The following NCOA7 variants were observed in gnomAD, a reference collection of about 807,000 sequenced individuals.
NCOA7 encodes nuclear receptor coactivator 7.
In NCOA7, 45 loss-of-function variants were observed where a neutral mutation model predicts 104.3. The ratio of observed to expected loss-of-function variants is 0.43; its 90% CI spans 0.34 to 0.55. The LOEUF (loss-of-function observed/expected upper bound fraction) is 0.55, where lower values mean the gene tolerates loss of function less well. Among genes scored for constraint, NCOA7 ranks in the 20% least tolerant of loss-of-function variants. The pLI, the probability that NCOA7 is intolerant of heterozygous loss-of-function variation, is 0.02. For synonymous variants in NCOA7, 398 were observed against 402.3 expected (o/e 0.99, Z 0.13); for missense variants, 1,041 against 1,119.7 (o/e 0.93, Z 1.00).
upstream of NCOA7, among the ~76,000 whole-genome samples, chr6:125,788,606 G>A (rs181610818): frequency 2.1e-3 from 313 of 149,260 alleles, 2 homozygotes; most frequent in South Asian, 3.6e-3. Flanking sequence ...TGCAATCTCC[G>A]CTCGCTGCAA....
chr6:125,868,668 T>G (rs1782629673), intron 3 of NCOA7, among the ~76,000 whole-genome samples: 2 of 152,268 alleles, frequency 1.3e-5, no homozygotes, highest in South Asian at 4.1e-4. Flanking sequence ...TGAATGGATC[T>G]GTTTCCATTA....
At chr6:125,799,404 A>C (rs1017129902) in intron 1 of NCOA7, among the ~76,000 whole-genome samples, 1 of 151,924 alleles carries the variant, frequency 6.6e-6, no homozygotes, top group African/African-American at 2.4e-5. Flanking sequence ...TTGTGCCACA[A>C]ATGAACTAAA....
intron 2 of NCOA7, among the ~76,000 whole-genome samples, chr6:125,841,914 G>T (rs1780209431): frequency 6.6e-6 from 1 of 152,154 alleles, no homozygotes; most frequent in Non-Finnish European, 1.5e-5. Flanking sequence ...CTTTCTGAAA[G>T]TACCTGTAAT....
chr6:125,816,027 C>A (rs1029544995), intron 2 of NCOA7, among the ~76,000 whole-genome samples: 2 of 152,178 alleles, frequency 1.3e-5, no homozygotes, highest in African/African-American at 2.4e-5. Context: ...ATTTGTAAAA[C>A]ATTTTGATAA....
At chr6:125,846,352 G>GA (rs202066680) in intron 2 of NCOA7, among the ~76,000 whole-genome samples, 2 of 88,916 alleles carry the variant, frequency 2.2e-5, no homozygotes, top group African/African-American at 3.7e-5. Flanking sequence ...ATATAAAAAA[G>GA]AAAAAAAAAT....
At chr6:125,796,914 C>G (rs1313080994) in intron 1 of NCOA7, 1 of 152,244 alleles carries the variant, frequency 6.6e-6, no homozygotes, top group Non-Finnish European at 1.5e-5. Context: ...TTGGTTGATT[C>G]CATGGATGCA....
chr6:125,814,612 G>A (rs980797772), intron 1 of NCOA7, among the ~76,000 whole-genome samples: 1 of 152,200 alleles, frequency 6.6e-6, no homozygotes, highest in Non-Finnish European at 1.5e-5. Flanking sequence ...CATGATAAAA[G>A]TGGTATTTGA....
chr6:125,858,997 T>C (rs948086475), intron 3 of NCOA7, among the ~76,000 whole-genome samples: 22 of 152,196 alleles, frequency 1.4e-4, no homozygotes, highest in African/African-American at 5.1e-4. Context: ...GAGGATCTCA[T>C]TGGCTTGCTA....
At chr6:125,893,870 A>G (rs975367797) in intron 10 of NCOA7, among the ~76,000 whole-genome samples, 1 of 152,204 alleles carries the variant, frequency 6.6e-6, no homozygotes, top group Admixed American at 6.5e-5. Context: ...GACTTGAAAC[A>G]TACTCAGGTT....
chr6:125,840,663 G>A (rs1780037735), intron 2 of NCOA7, among the ~76,000 whole-genome samples: 1 of 151,090 alleles, frequency 6.6e-6, no homozygotes, highest in Admixed American at 6.6e-5. Context: ...TACTCAGGAT[G>A]CCACCATGCC....
intron 1 of NCOA7, among the ~76,000 whole-genome samples, chr6:125,782,592 A>C (rs573934310): frequency 1.3e-5 from 2 of 152,326 alleles, no homozygotes; most frequent in South Asian, 4.1e-4. Flanking sequence ...CAGTTTCCCC[A>C]GCCTTTTTTC....
intron 1 of NCOA7, among the ~76,000 whole-genome samples, chr6:125,798,458 G>A (rs1775548252): frequency 1.3e-5 from 2 of 152,268 alleles, no homozygotes; most frequent in South Asian, 2.1e-4. Context: ...CACAGAGTAA[G>A]CAACTATCTA....
At chr6:125,879,766 G>A (rs1399974544) in intron 5 of NCOA7, among the ~76,000 whole-genome samples, 1 of 152,172 alleles carries the variant, frequency 6.6e-6, no homozygotes, top group East Asian at 1.9e-4. Flanking sequence ...GGAGGCCAAG[G>A]TAGGCAGATC....
chr6:125,854,278 G>T (rs1781370063), intron 2 of NCOA7, among the ~76,000 whole-genome samples: 1 of 152,182 alleles, frequency 6.6e-6, no homozygotes, highest in Non-Finnish European at 1.5e-5. Flanking sequence ...ATTACAGAGT[G>T]ATGTGTCCAC....
chr6:125,899,867 C>T (rs1234240850), intron 10 of NCOA7: 9 of 431,528 alleles, frequency 2.1e-5, no homozygotes, highest in Middle Eastern at 7.0e-4. Flanking sequence ...CAGACGTAAG[C>T]TCATGAAAAA....
intron 2 of NCOA7, among the ~76,000 whole-genome samples, chr6:125,822,831 A>G (rs1778307837): frequency 6.6e-6 from 1 of 151,890 alleles, no homozygotes; most frequent in Admixed American, 6.6e-5. Flanking sequence ...GCTACATGGG[A>G]GACTGAAGCA....
chr6:125,848,616 C>T (rs1780838142), intron 2 of NCOA7, among the ~76,000 whole-genome samples: 1 of 151,998 alleles, frequency 6.6e-6, no homozygotes, highest in Non-Finnish European at 1.5e-5. Context: ...CACTTGGATA[C>T]AGGGTAGGGA....
chr6:125,797,922 C>A (rs1015450947), intron 1 of NCOA7: 9 of 152,114 alleles, frequency 5.9e-5, no homozygotes, highest in Non-Finnish European at 1.0e-4. Context: ...CTCTGAAAAC[C>A]TTTATAACAA....
At position 125,889,750 on chromosome 6, in the gene NCOA7, C is replaced by T. The variant is rs1453172547; in HGVS notation, c.1696C>T (p.Gln566Ter). The T allele has an allele frequency of 6.2e-7, 1 of 1,612,422 alleles. No individual in the cohort carries two copies. Among genetic ancestry groups the T allele is most frequent in the African/African-American group, 1.3e-5 (1 of 74,828 alleles). ...IDITLSSSLS[Q>*]AGDPITEGNK... ...CATTACCCTTAGTAGTTCTCTTTCC[C>T]AGGCGGGTGATCCCATAACTGAGGG... The change falls in exon 9 of 16, where the codon CAG becomes TAG. Residue 566 changes from glutamine (Q) to a stop codon, truncating the protein, a stop_gained. Transcript: ENST00000392477. LOFTEE classifies it high-confidence loss of function.
Sources: gnomAD v4.1 joint callset for allele counts (sites outside exome capture counted in the v4.1 genomes callset) on GRCh38, gnomAD v4.1.1 for gene constraint, MANE v1.5 for transcripts, NCBI Gene and HGNC (gene_info 2026-07-23, HGNC 2026-07-21) for gene names.